The following ARB2A variants were observed in gnomAD, a reference collection of about 807,000 sequenced individuals.
ARB2A encodes cotranscriptional regulator ARB2A.
chr5:93,810,889 GGGTTAGTTTCCTCATATGCAACTGA>G, the ARB2A span, among the ~76,000 whole-genome samples: 3 of 151,932 alleles, frequency 2.0e-5, no homozygotes, highest in Non-Finnish European at 4.4e-5. Flanking sequence ...ATATTTCTGT[GGGTTAGTTTCCTCATATGCAACTGA>G]GGTTAGTTTC....
the ARB2A span, among the ~76,000 whole-genome samples, chr5:94,037,503 TTCAA>T: frequency 3.9e-5 from 6 of 152,118 alleles, no homozygotes; most frequent in Non-Finnish European, 8.8e-5. Flanking sequence ...CACATTTTCT[TTCAA>T]TCCTCCTAAC....
chr5:94,017,348 G>C, the ARB2A span, among the ~76,000 whole-genome samples: 1 of 152,178 alleles, frequency 6.6e-6, no homozygotes, highest in African/African-American at 2.4e-5. Context: ...CTTAATACAG[G>C]AGCCCAATGT....
At chr5:94,074,518 T>A in the ARB2A span, 1 of 651,092 alleles carries the variant, frequency 1.5e-6, no homozygotes, top group Non-Finnish European at 2.6e-6. Context: ...GGGATATAAA[T>A]AATTGCAAAT....
At chr5:93,884,719 ATATC>A in the ARB2A span, among the ~76,000 whole-genome samples, 6 of 151,752 alleles carry the variant, frequency 4.0e-5, no homozygotes, top group East Asian at 9.6e-4. Context: ...ATTTTAATAA[ATATC>A]TTTGTTGCAA....
the ARB2A span, among the ~76,000 whole-genome samples, chr5:93,831,354 G>A: frequency 4.0e-5 from 6 of 150,408 alleles, no homozygotes; most frequent in Non-Finnish European, 7.4e-5. Flanking sequence ...AAAGTAACTG[G>A]AACTCTTTAG....
At chr5:93,975,062 C>A in the ARB2A span, among the ~76,000 whole-genome samples, 28 of 151,990 alleles carry the variant, frequency 1.8e-4, no homozygotes, top group African/African-American at 2.4e-4. Flanking sequence ...TGCCTGTAAT[C>A]CCAGCACTTT....
At chr5:93,932,125 T>G in the ARB2A span, among the ~76,000 whole-genome samples, 1 of 152,216 alleles carries the variant, frequency 6.6e-6, no homozygotes, top group African/African-American at 2.4e-5. Flanking sequence ...TTGGAGTTTT[T>G]AGCCACATGA....
the ARB2A span, among the ~76,000 whole-genome samples, chr5:93,697,549 GTTTAA>G: frequency 2.6e-5 from 4 of 151,842 alleles, no homozygotes; most frequent in South Asian, 2.1e-4. Flanking sequence ...TAATTTTCTT[GTTTAA>G]TTTGTTTGTA....
the ARB2A span, among the ~76,000 whole-genome samples, chr5:93,793,071 TTTTTTA>T: frequency 6.6e-6 from 1 of 151,552 alleles, no homozygotes; most frequent in African/African-American, 2.4e-5. Flanking sequence ...ATAGCTAGAT[TTTTTTA>T]TTTTTATTTT....
chr5:93,646,905 C>T, the ARB2A span, among the ~76,000 whole-genome samples: 3 of 152,100 alleles, frequency 2.0e-5, no homozygotes, highest in African/African-American at 7.2e-5. Context: ...ACATCCTTTA[C>T]CAAGATTCAA....
the ARB2A span, among the ~76,000 whole-genome samples, chr5:93,829,999 A>G: frequency 6.6e-6 from 1 of 152,084 alleles, no homozygotes; most frequent in Non-Finnish European, 1.5e-5. Context: ...TTCTGTAGAC[A>G]TATCTGGAGT....
chr5:93,796,488 G>A, the ARB2A span, among the ~76,000 whole-genome samples: 1 of 152,130 alleles, frequency 6.6e-6, no homozygotes, highest in African/African-American at 2.4e-5. Context: ...TACTGGGAGA[G>A]GTTGACACCC....
the ARB2A span, among the ~76,000 whole-genome samples, chr5:93,765,564 G>C: frequency 6.6e-6 from 1 of 152,098 alleles, no homozygotes; most frequent in Non-Finnish European, 1.5e-5. Flanking sequence ...ACAAATGGAA[G>C]AACATTCCAT....
chr5:93,784,305 G>T, the ARB2A span: 1 of 835,898 alleles, frequency 1.2e-6, no homozygotes. Flanking sequence ...AGGATGGGAG[G>T]TGTTACAGGT....
chr5:93,872,018 G>A, the ARB2A span, among the ~76,000 whole-genome samples: 1 of 149,478 alleles, frequency 6.7e-6, no homozygotes, highest in African/African-American at 2.5e-5. Flanking sequence ...GCGTGACCTC[G>A]GCTCACTGCA....
the ARB2A span, among the ~76,000 whole-genome samples, chr5:94,030,742 C>T: frequency 5.9e-5 from 9 of 152,118 alleles, no homozygotes; most frequent in South Asian, 1.9e-3. Flanking sequence ...GAGATTAGGT[C>T]CTTAAGTTTA....
At chr5:94,011,570 C>T in the ARB2A span, among the ~76,000 whole-genome samples, 26 of 151,840 alleles carry the variant, frequency 1.7e-4, no homozygotes, top group South Asian at 4.2e-4. Context: ...CTAAAGTGGA[C>T]GCAACATGGG....
At chr5:93,889,392 A>G in the ARB2A span, among the ~76,000 whole-genome samples, 2 of 151,878 alleles carry the variant, frequency 1.3e-5, no homozygotes, top group African/African-American at 4.8e-5. Context: ...AACAGGTGCA[A>G]ATGAGTATAG....
chr5:93,725,185 G>C, the ARB2A span, among the ~76,000 whole-genome samples: 1 of 151,940 alleles, frequency 6.6e-6, no homozygotes, highest in African/African-American at 2.4e-5. Flanking sequence ...GCAAATAAGG[G>C]GGGAACTACT....
Sources: allele counts gnomAD v4.1 joint callset (sites outside exome capture counted in the v4.1 genomes callset), GRCh38; gene constraint gnomAD v4.1.1; transcripts MANE v1.5; gene names NCBI Gene and HGNC (gene_info 2026-07-23, HGNC 2026-07-21).